The following ROR1 variants were observed in gnomAD, a reference collection of about 807,000 sequenced individuals.
ROR1 encodes the protein ROR family WNT receptor 1, also known as inactive tyrosine-protein kinase transmembrane receptor ROR1.
In ROR1, 19 loss-of-function variants were observed where a neutral mutation model predicts 78.8. The ratio of observed to expected loss-of-function variants is 0.24; its 90% CI spans 0.17 to 0.35. The LOEUF is 0.35. Ranked by LOEUF, ROR1 falls within the 10% of genes least tolerant of loss-of-function variation. The pLI, the probability that ROR1 is intolerant of heterozygous loss-of-function variation, is 1.00. For synonymous variants in ROR1, 386 were observed against 433.6 expected, an observed-to-expected ratio of 0.89 and a Z score of 1.36; for missense variants, 917 against 1,177.8, an observed-to-expected ratio of 0.78 and a Z score of 3.24.
At chr1:63,895,176 C>T (rs373335854) in intron 1 of ROR1, among the ~76,000 whole-genome samples, 110 of 152,224 alleles carry the variant, frequency 7.2e-4, no homozygotes, top group Admixed American at 1.1e-3. Context: ...CATTTAATGG[C>T]GGGATAGTTG....
At chr1:63,835,761 G>A (rs867020674) in intron 1 of ROR1, among the ~76,000 whole-genome samples, 3 of 152,168 alleles carry the variant, frequency 2.0e-5, no homozygotes, top group South Asian at 2.1e-4. Flanking sequence ...ATTGTTAAAA[G>A]GCACTTGTGT....
chr1:64,132,586 C>T (rs902643634), intron 4 of ROR1, among the ~76,000 whole-genome samples: 2 of 151,656 alleles, frequency 1.3e-5, no homozygotes, highest in African/African-American at 4.8e-5. Context: ...ATGGTGAAAC[C>T]CTGTCTCTAC....
chr1:63,794,571 C>G (rs966780072), intron 1 of ROR1, among the ~76,000 whole-genome samples: 50 of 152,230 alleles, frequency 3.3e-4, no homozygotes, highest in African/African-American at 1.1e-3. Flanking sequence ...AGCTCAGGAC[C>G]TGTTATCAGA....
intron 1 of ROR1, among the ~76,000 whole-genome samples, chr1:63,919,332 A>G (rs1645634944): frequency 6.6e-6 from 1 of 152,146 alleles, no homozygotes; most frequent in Non-Finnish European, 1.5e-5. Context: ...GTAAAATTTA[A>G]TGGCCGCTAC....
chr1:64,005,141 A>G (rs1646417774), intron 1 of ROR1, among the ~76,000 whole-genome samples: 1 of 152,226 alleles, frequency 6.6e-6, no homozygotes, highest in Non-Finnish European at 1.5e-5. Flanking sequence ...TTTCAAATAC[A>G]GACAGTGACT....
intron 2 of ROR1, among the ~76,000 whole-genome samples, chr1:64,018,757 T>C (rs528447338): frequency 6.6e-6 from 1 of 152,224 alleles, no homozygotes; most frequent in East Asian, 1.9e-4. Flanking sequence ...CTCTCCAACA[T>C]CTAGTGCAGT....
At chr1:63,879,343 G>A (rs556412657) in intron 1 of ROR1, among the ~76,000 whole-genome samples, 3 of 152,236 alleles carry the variant, frequency 2.0e-5, no homozygotes, top group Non-Finnish European at 2.9e-5. Flanking sequence ...GTAGTTTGCC[G>A]AAGGGACAGA....
Position 64,140,112 on chromosome 1 carries a change from C to T in ROR1, c.614C>T (p.Ala205Val). Residue 205 changes from alanine (A) to valine (V), a missense_variant, in exon 6 of 9, where the codon GCC becomes GTC. By Grantham distance (64) the Ala-to-Val change is moderately conservative (BLOSUM62 0). This residue lies in a region of ROR1 where 835 missense variants were observed against 1,069.8 expected (regional missense o/e 0.78). Transcript: ENST00000371079. ...AATAATTGTGTTTGTTTTCCAGCTGCCTTCACTATGATTGGCACTTCCAGT... is the reference window on the plus strand; with the variant it reads ...AATAATTGTGTTTGTTTTCCAGCTGTCTTCACTATGATTGGCACTTCCAGT... The part of the protein sequence containing the change: ...QGEIENQITA[A>V]FTMIGTSSHL... The T allele has an allele frequency of 6.2e-7, 1 of 1,610,500 alleles. No individual in the cohort carries two copies.
At chr1:64,162,701 A>G (rs755188012) in intron 8 of ROR1, among the ~76,000 whole-genome samples, 3 of 152,198 alleles carry the variant, frequency 2.0e-5, no homozygotes, top group East Asian at 1.9e-4. Context: ...AAGCCATTCA[A>G]TCCTCTAACG....
intron 4 of ROR1, among the ~76,000 whole-genome samples, chr1:64,074,468 AG>A (rs1183387982): frequency 6.6e-6 from 1 of 152,208 alleles, no homozygotes; most frequent in East Asian, 1.9e-4. Flanking sequence ...CTGATCTTAA[AG>A]GATGGAGAGG....
intron 1 of ROR1, among the ~76,000 whole-genome samples, chr1:63,923,803 C>T (rs1158314332): frequency 6.6e-6 from 1 of 151,938 alleles, no homozygotes; most frequent in Non-Finnish European, 1.5e-5. Context: ...CTGCCACCTG[C>T]TGTGGTCCCT....
intron 1 of ROR1, among the ~76,000 whole-genome samples, chr1:63,972,351 G>A (rs1326977317): frequency 2.0e-5 from 3 of 152,166 alleles, no homozygotes; most frequent in Non-Finnish European, 4.4e-5. Context: ...TTTAGGCAAA[G>A]TTAAGTCAGA....
chr1:64,116,148 C>T lies in ROR1; in HGVS notation c.483-21221C>T, dbSNP rs572696396. On this transcript the variant is annotated intron_variant, in intron 4 of 8. Coordinates refer to ENST00000371079, the MANE Select transcript of ROR1 (RefSeq NM_005012.4). ...GGTCACTAATGAGATGAGACCATCC[C>T]GTTCCACCGCACTTTCAAGTTAATC... 7.9e-5 allele frequency among the ~76,000 whole-genome samples: 12 copies of T among 152,276 alleles called. No individual in the cohort carries two copies. In the East Asian group the frequency reaches 2.3e-3, roughly 29 times the overall value.
chr1:63,844,772 C>T (rs1569807058), intron 1 of ROR1, among the ~76,000 whole-genome samples: 2 of 152,210 alleles, frequency 1.3e-5, no homozygotes, highest in East Asian at 3.9e-4. Context: ...AATAAAGCAG[C>T]CCCTTCTAGG....
intron 1 of ROR1, among the ~76,000 whole-genome samples, chr1:63,922,379 G>C (rs1024292479): frequency 2.0e-5 from 3 of 152,144 alleles, no homozygotes; most frequent in Non-Finnish European, 4.4e-5. Flanking sequence ...TTTCAATTTA[G>C]TAGGTCAAAA....
intron 1 of ROR1, among the ~76,000 whole-genome samples, chr1:63,898,649 G>A (rs561711867): frequency 6.6e-6 from 1 of 151,870 alleles, no homozygotes; most frequent in African/African-American, 2.4e-5. Context: ...AAAGAAGGGG[G>A]TGAAAGAGAA....
At chr1:64,134,081 G>A (rs1037929892) in intron 4 of ROR1, among the ~76,000 whole-genome samples, 1 of 152,200 alleles carries the variant, frequency 6.6e-6, no homozygotes, top group African/African-American at 2.4e-5. Context: ...GTTATAGAGT[G>A]TGGTTAGAAA....
intron 4 of ROR1, among the ~76,000 whole-genome samples, chr1:64,057,623 C>T (rs1010418774): frequency 6.6e-6 from 1 of 152,024 alleles, no homozygotes; most frequent in African/African-American, 2.4e-5. Flanking sequence ...TCAGGCCCAC[C>T]CAAACTATTG....
At chr1:64,043,766 G>A (rs1646762739) in intron 2 of ROR1, among the ~76,000 whole-genome samples, 1 of 152,136 alleles carries the variant, frequency 6.6e-6, no homozygotes, top group Non-Finnish European at 1.5e-5. Flanking sequence ...TCCTGGCTCT[G>A]CCGCTTTCTG....
Sources: allele counts gnomAD v4.1 joint callset (sites outside exome capture counted in the v4.1 genomes callset), GRCh38; gene constraint gnomAD v4.1.1; regional missense constraint gnomAD v4.1.1; transcripts MANE v1.5; gene names NCBI Gene and HGNC (gene_info 2026-07-23, HGNC 2026-07-21).